Variants in ZNF492 observed in about 807,000 individuals in gnomAD.
ZNF492 encodes zinc finger protein 492.
In ZNF492, 3 loss-of-function variants were observed where a neutral mutation model predicts 6.4. The ratio of observed to expected loss-of-function variants is 0.47; its 90% confidence interval spans 0.21 to 1.22. The LOEUF (loss-of-function observed/expected upper bound fraction) is 1.22, where lower values mean the gene tolerates loss of function less well. Ranked by LOEUF, ZNF492 falls within the 50% of genes most tolerant of loss-of-function variation. The probability of loss-of-function intolerance (pLI) is 0.22; values close to 1 mark genes in which losing one functional copy is unlikely to be tolerated. For synonymous variants in ZNF492, 112 were observed against 205.3 expected (o/e 0.55, Z 3.89); for missense variants, 356 against 612.5 (o/e 0.58, Z 4.42).
chr19:22,653,285 T>G, intron 1 of ZNF492, 22 bp from the exon 2 acceptor site: 1 of 1,609,692 alleles, frequency 6.2e-7, no homozygotes, highest in Non-Finnish European at 8.5e-7. Context: ...TAAATATGTA[T>G]GTGTGTTTGT....
intron 1 of ZNF492, 38 bp downstream of exon 1, chr19:22,634,512 G>T: frequency 1.5e-6 from 2 of 1,374,694 alleles, no homozygotes; most frequent in Non-Finnish European, 2.0e-6. Flanking sequence ...GAGAGGGGAA[G>T]GGGCTGGTTG....
Position 22,663,852 on chromosome 19 carries a change from T to C in ZNF492, c.183T>C (p.Asn61=). The part of the protein sequence containing the change: ...RDLWPKQGKK[N]YFQKVILRRY... ...TTTGGCCAAAGCAGGGCAAAAAAAA[T>C]TATTTCCAAAAAGTGATACTGAGAA... The change falls in exon 4 of 4, where the codon AAT becomes AAC. Residue 61 remains asparagine (N), a synonymous_variant. Coordinates refer to ENST00000456783, the MANE Select transcript of ZNF492 (RefSeq NM_020855.3). The C allele has an allele frequency of 6.4e-7, 1 of 1,560,782 alleles. No individual in the cohort carries two copies. Among genetic ancestry groups the C allele is most frequent in the Non-Finnish European group, 8.6e-7 (1 of 1,158,072 alleles).
At chr19:22,663,731 G>C in intron 3 of ZNF492, 69 bp from the exon 4 acceptor site, 2 of 1,375,970 alleles carry the variant, frequency 1.5e-6, no homozygotes, top group Non-Finnish European at 1.9e-6. Context: ...TAATTTTATA[G>C]GTTAGATTTG....
chr19:22,665,214 C>A lies in ZNF492; in HGVS notation c.1545C>A (p.Asp515Glu), dbSNP rs1222525177. 3.1e-6 allele frequency: 5 copies of A among 1,595,614 alleles called. No homozygotes were observed. Among genetic ancestry groups the A allele is most frequent in the East Asian group, 4.5e-5 (2 of 44,618 alleles). Residue 515 changes from aspartate to glutamate, a missense_variant, in exon 4 of 4, where the codon GAC becomes GAA. Around this residue, in one of 7 missense-constraint regions of ZNF492, gnomAD observed 81 missense variants for 115.4 expected, o/e 0.70. Transcript: ENST00000456783. The stretch of plus-strand genomic sequence containing the variant: ...CTGAAAGTTGTAACAATGCTTGTGA[C>A]AACATTGCAAAGATTTCCAAATATA... ...YKPESCNNAC[D>E]NIAKISKYKR...
intron 3 of ZNF492, among the ~76,000 whole-genome samples, chr19:22,654,463 C>T (rs1971973329): frequency 6.6e-6 from 1 of 151,432 alleles, no homozygotes; most frequent in African/African-American, 2.4e-5. Flanking sequence ...ACATTGCATT[C>T]TGTCTTATTA....
chr19:22,637,171 G>T (rs1449337072), intron 1 of ZNF492, among the ~76,000 whole-genome samples: 1 of 151,516 alleles, frequency 6.6e-6, no homozygotes, highest in African/African-American at 2.4e-5. Flanking sequence ...TAGAGATGGG[G>T]TTTCACCATG....
intron 3 of ZNF492, among the ~76,000 whole-genome samples, chr19:22,654,952 A>G (rs374783326): frequency 0.079 from 12,040 of 151,526 alleles, 526 homozygotes; most frequent in South Asian, 0.11. Flanking sequence ...ATTTTGATAG[A>G]GAATTTATTG....
intron 3 of ZNF492, among the ~76,000 whole-genome samples, chr19:22,660,556 G>A (rs1972048696): frequency 6.7e-6 from 1 of 149,776 alleles, no homozygotes; most frequent in Non-Finnish European, 1.5e-5. Context: ...TGTCTTTGAT[G>A]TTGCTAATTA....
At position 22,664,095 on chromosome 19, in the gene ZNF492, A is replaced by G. The variant is rs746394909; in HGVS notation, c.426A>G (p.Lys142=). Residue 142 remains lysine, a synonymous_variant, in exon 4 of 4, where the codon AAA becomes AAG. Transcript: ENST00000456783. Reference sequence around the variant, plus strand: ...GACATACTGGAAAGAAATCTTTCAAATGTAAAGAATGTGAAAAGTCATTTT... The same window carrying G: ...GACATACTGGAAAGAAATCTTTCAAGTGTAAAGAATGTGAAAAGTCATTTT... The part of the protein sequence containing the change: ...TIRHTGKKSF[K]CKECEKSFCM... 1.1e-5 allele frequency: 17 copies of G among 1,604,792 alleles called. No homozygotes were observed. In the Admixed American group the frequency reaches 1.4e-4, roughly 13 times the overall value.
chr19:22,655,361 AT>A (rs34697215), intron 3 of ZNF492, among the ~76,000 whole-genome samples: 7 of 150,698 alleles, frequency 4.6e-5, no homozygotes, highest in African/African-American at 9.8e-5. Flanking sequence ...GTCTTCTCCA[AT>A]TTTTTTTTAT....
chr19:22,653,267 C>T, intron 1 of ZNF492, 40 bp from the exon 2 acceptor site: 1 of 1,599,526 alleles, frequency 6.3e-7, no homozygotes, highest in Admixed American at 1.8e-5. Context: ...CTGTTCATGG[C>T]CACTTGGTAA....
At chr19:22,637,178 C>T (rs899652816) in intron 1 of ZNF492, among the ~76,000 whole-genome samples, 1 of 151,472 alleles carries the variant, frequency 6.6e-6, no homozygotes, top group Non-Finnish European at 1.5e-5. Context: ...GGGGTTTCAC[C>T]ATGTTGGTCA....
At chr19:22,646,894 GT>G (rs1231258340) in intron 1 of ZNF492, among the ~76,000 whole-genome samples, 2 of 152,004 alleles carry the variant, frequency 1.3e-5, no homozygotes, top group African/African-American at 4.8e-5. Flanking sequence ...ATAAGTTTTT[GT>G]TTTTGTTTTT....
intron 2 of ZNF492, 80 bp from the exon 3 acceptor site, chr19:22,653,840 T>C: frequency 7.0e-7 from 1 of 1,433,920 alleles, no homozygotes; most frequent in South Asian, 1.5e-5. Flanking sequence ...AATATTCTAT[T>C]ACATCCTTTT....
chr19:22,634,397 T>G lies in ZNF492; in HGVS notation c.-171T>G. 1.5e-6 allele frequency: 2 copies of G among 1,296,362 alleles called. No individual in the cohort carries two copies. Among genetic ancestry groups the G allele is most frequent in the Non-Finnish European group, 2.2e-6 (2 of 910,594 alleles). The allele number at this position is 1,296,362 out of a possible 1,614,324, so 80.3% of individuals were successfully genotyped here. ...TGCGTCCTCTGGTCCTAGAGGCCCA[T>G]CCTCTGTGGCCCTGTGACCTGCAGG... On this transcript the variant is annotated 5_prime_UTR_variant, in exon 1 of 4. Coordinates refer to ENST00000456783, the MANE Select transcript of ZNF492 (RefSeq NM_020855.3).
chr19:22,649,025 T>C (rs980624399), intron 1 of ZNF492, among the ~76,000 whole-genome samples: 2 of 152,184 alleles, frequency 1.3e-5, no homozygotes, highest in Non-Finnish European at 2.9e-5. Flanking sequence ...TTCTTCATAG[T>C]GTCATTGGTC....
chr19:22,652,711 C>T (rs1441162334), intron 1 of ZNF492, among the ~76,000 whole-genome samples: 1 of 151,840 alleles, frequency 6.6e-6, no homozygotes, highest in African/African-American at 2.4e-5. Flanking sequence ...TCCCGAGTAG[C>T]TGGGACTACG....
intron 3 of ZNF492, among the ~76,000 whole-genome samples, chr19:22,659,438 C>T (rs1972031856): frequency 6.6e-6 from 1 of 151,790 alleles, no homozygotes; most frequent in East Asian, 1.9e-4. Context: ...TACTAATATT[C>T]TCATTTAATT....
intron 3 of ZNF492, among the ~76,000 whole-genome samples, chr19:22,660,779 C>CT (rs1474007766): frequency 1.3e-5 from 2 of 151,380 alleles, no homozygotes; most frequent in East Asian, 1.9e-4. Flanking sequence ...GTTTAAGGAA[C>CT]TGCTTTCATC....
Sources: gnomAD v4.1 joint callset for allele counts (sites outside exome capture counted in the v4.1 genomes callset) on GRCh38, gnomAD v4.1.1 for gene constraint, gnomAD v4.1.1 regional missense constraint, MANE v1.5 for transcripts, NCBI Gene and HGNC (gene_info 2026-07-23, HGNC 2026-07-21) for gene names.